ADARB2: variants seen among roughly 807,000 people sequenced by gnomAD.
ADARB2 encodes the protein adenosine deaminase RNA specific B2 (inactive), also known as inactive double-stranded RNA-specific editase B2.
ADARB2 carries 25 observed loss-of-function variants against 62.2 expected under a neutral mutation model. The observed-to-expected ratio is 0.40, with a 90% CI of 0.29 to 0.56. ADARB2 has a LOEUF of 0.56. Ranked by LOEUF, ADARB2 falls within the 20% of genes least tolerant of loss-of-function variation. The probability of loss-of-function intolerance (pLI) is 0.43; values close to 1 mark genes in which losing one functional copy is unlikely to be tolerated. For synonymous variants in ADARB2, 572 were observed against 500.8 expected, an observed-to-expected ratio of 1.14 and a Z score of -1.90; for missense variants, 1,071 against 1,077.4, an observed-to-expected ratio of 0.99 and a Z score of 0.08.
At chr10:1,730,956 T>C (rs1162022949) in intron 1 of ADARB2, among the ~76,000 whole-genome samples, 1 of 152,240 alleles carries the variant, frequency 6.6e-6, no homozygotes, top group Non-Finnish European at 1.5e-5. Flanking sequence ...ATTTTGCTGC[T>C]CTTCCTACTC....
At chr10:1,387,114 G>A (rs1322991825) in intron 1 of ADARB2, among the ~76,000 whole-genome samples, 4 of 151,812 alleles carry the variant, frequency 2.6e-5, no homozygotes, top group African/African-American at 7.2e-5. Flanking sequence ...CATAGTTAAA[G>A]CAATGCTGAG....
intron 5 of ADARB2, among the ~76,000 whole-genome samples, chr10:1,241,061 A>G (rs924080061): frequency 6.6e-6 from 1 of 152,110 alleles, no homozygotes; most frequent in Non-Finnish European, 1.5e-5. Flanking sequence ...ACTTGAGGTT[A>G]GGAGTTTGAC....
intron 1 of ADARB2, among the ~76,000 whole-genome samples, chr10:1,458,473 A>G (rs1169831427): frequency 6.6e-6 from 1 of 152,256 alleles, no homozygotes; most frequent in African/African-American, 2.4e-5. Flanking sequence ...ACTAAAAACA[A>G]TGAAAAAAAG....
intron 8 of ADARB2, among the ~76,000 whole-genome samples, chr10:1,191,688 G>T (rs970204206): frequency 1.3e-5 from 2 of 152,138 alleles, no homozygotes; most frequent in Admixed American, 6.5e-5. Flanking sequence ...ATTTTTTAGG[G>T]AGCTGTCTTA....
At chr10:1,434,345 G>A (rs924830440) in intron 1 of ADARB2, among the ~76,000 whole-genome samples, 5 of 152,148 alleles carry the variant, frequency 3.3e-5, no homozygotes, top group African/African-American at 1.2e-4. Flanking sequence ...ACTCTCCAAG[G>A]CCTGCTGTCT....
chr10:1,627,592 C>T (rs1445895704), intron 1 of ADARB2, among the ~76,000 whole-genome samples: 1 of 152,162 alleles, frequency 6.6e-6, no homozygotes, highest in East Asian at 1.9e-4. Context: ...GCCATGACAT[C>T]TAACGTTCCT....
intron 1 of ADARB2, among the ~76,000 whole-genome samples, chr10:1,389,478 G>A (rs879516059): frequency 1.3e-5 from 2 of 152,126 alleles, no homozygotes; most frequent in Admixed American, 1.3e-4. Flanking sequence ...CAACATACTT[G>A]AACAGAAACT....
In ADARB2 at chr10:1,255,736, G is replaced by A. The variant is rs767335003; in HGVS notation, c.1193-13437C>T. ...GGGCAGGGAGCTGGCTGCATGGTTCGCTAGACAGTGTGACCTCATGAGAGT... is the reference window on the plus strand; with the variant it reads ...GGGCAGGGAGCTGGCTGCATGGTTCACTAGACAGTGTGACCTCATGAGAGT... On this transcript the variant is annotated intron_variant, in intron 4 of 9. Transcript: ENST00000381312. This position sits in a 1 kb window ranked among gnomAD's most constrained non-coding sequence, Gnocchi z 4.7. Among the ~76,000 whole-genome samples, 9 of 152,202 alleles carry A rather than the reference G, an allele frequency of 5.9e-5. No individual in the cohort carries two copies. Among genetic ancestry groups the A allele is most frequent in the Non-Finnish European group, 1.3e-4 (9 of 68,036 alleles).
At chr10:1,624,684 A>C (rs1048653444) in intron 1 of ADARB2, among the ~76,000 whole-genome samples, 1 of 152,242 alleles carries the variant, frequency 6.6e-6, no homozygotes, top group Non-Finnish European at 1.5e-5. Flanking sequence ...AACTCCTTGA[A>C]ATAAAAAGGC....
intron 1 of ADARB2, among the ~76,000 whole-genome samples, chr10:1,634,048 G>A (rs530827884): frequency 1.6e-4 from 24 of 152,230 alleles, no homozygotes; most frequent in Non-Finnish European, 2.8e-4. Context: ...TTCTGCTGCC[G>A]GCTGTGCTGT....
At chr10:1,613,005 C>T (rs1309894911) in intron 1 of ADARB2, among the ~76,000 whole-genome samples, 2 of 152,182 alleles carry the variant, frequency 1.3e-5, no homozygotes, top group Non-Finnish European at 2.9e-5. Flanking sequence ...TTAACACTTC[C>T]GTTTACTTCT....
chr10:1,288,599 G>GA (rs1564247236), intron 3 of ADARB2, among the ~76,000 whole-genome samples: 1 of 152,218 alleles, frequency 6.6e-6, no homozygotes, highest in Admixed American at 6.5e-5. Context: ...ACGCTGAGGA[G>GA]AGAGAAGAGA....
At chr10:1,732,196 A>G (rs1478852282) in intron 1 of ADARB2, among the ~76,000 whole-genome samples, 1 of 151,912 alleles carries the variant, frequency 6.6e-6, no homozygotes, top group Non-Finnish European at 1.5e-5. Flanking sequence ...ATACATACAT[A>G]GTAATATACA....
rs371970106 is a variant in ADARB2, at chr10:1,538,783, G to A, written c.101-159623C>T. The stretch of plus-strand genomic sequence containing the variant: ...GGACAGGAACTCAGCAGAAATCAGG[G>A]CAGGAGAAGCCTCTGCTGCCCATGC... On this transcript the variant is annotated intron_variant, in intron 1 of 9. Coordinates refer to ENST00000381312, the MANE Select transcript of ADARB2 (RefSeq NM_018702.4). Among the ~76,000 whole-genome samples, 6 of 152,342 alleles carry A rather than the reference G, an allele frequency of 3.9e-5. No individual in the cohort carries two copies. In the South Asian group the frequency reaches 6.2e-4, roughly 16 times the overall value.
intron 1 of ADARB2, among the ~76,000 whole-genome samples, chr10:1,384,759 A>G (rs1388080627): frequency 2.0e-5 from 3 of 152,154 alleles, no homozygotes; most frequent in African/African-American, 7.2e-5. Flanking sequence ...TGCTGAGACA[A>G]CTAGAATTTG....
rs1475528626 is a variant in ADARB2, at chr10:1,326,807, C to A, written c.1077+36221G>T. ...TCACTGCCCAGCGCCTCCCCACGGC[C>A]CAGCGCCTCCCCACGGCCCAGCGCC... On this transcript the variant is annotated intron_variant, in intron 3 of 9. Coordinates refer to ENST00000381312, the MANE Select transcript of ADARB2 (RefSeq NM_018702.4). 6.4e-3 allele frequency among the ~76,000 whole-genome samples: 715 copies of A among 111,530 alleles called. 49 individuals are homozygous for A. The highest frequency in any genetic ancestry group is 0.06 in the East Asian group (196 of 3,288). The allele number at this position is 111,530 out of a possible 152,430, so 73.2% of individuals were successfully genotyped here. A position where few individuals can be genotyped will look rare whatever the true frequency, so the allele number is the denominator to read the frequency against.
chr10:1,497,729 T>C lies in ADARB2; in HGVS notation c.101-118569A>G, dbSNP rs373675247. The stretch of plus-strand genomic sequence containing the variant: ...AAATAAAATTATATATAAATGTCAC[T>C]TCTATTTTCCAATCATTTATAAGTT... On this transcript the variant is annotated intron_variant, in intron 1 of 9. Coordinates refer to ENST00000381312, the MANE Select transcript of ADARB2 (RefSeq NM_018702.4). Among the ~76,000 whole-genome samples, 59 of 152,358 alleles carry C rather than the reference T, an allele frequency of 3.9e-4. No individual in the cohort carries two copies. In the South Asian group the frequency reaches 7.9e-3, roughly 20 times the overall value.
At chr10:1,532,919 C>T (rs1470557281) in intron 1 of ADARB2, among the ~76,000 whole-genome samples, 2 of 152,134 alleles carry the variant, frequency 1.3e-5, no homozygotes, top group African/African-American at 4.8e-5. Flanking sequence ...AGCCTCGCCT[C>T]ACCTGCGGGC....
chr10:1,562,869 C>T (rs1832803424), intron 1 of ADARB2, among the ~76,000 whole-genome samples: 1 of 152,220 alleles, frequency 6.6e-6, no homozygotes, highest in African/African-American at 2.4e-5. Flanking sequence ...TCCCTCATGG[C>T]AGAGACTCAA....
Sources: gnomAD v4.1 joint callset for allele counts (sites outside exome capture counted in the v4.1 genomes callset) on GRCh38, gnomAD v4.1.1 for gene constraint, Gnocchi (gnomAD v3.1) non-coding constraint, MANE v1.5 for transcripts, NCBI Gene and HGNC (gene_info 2026-07-23, HGNC 2026-07-21) for gene names.